RAD18: variants seen among roughly 807,000 people sequenced by gnomAD.
RAD18 encodes E3 ubiquitin-protein ligase RAD18.
A neutral mutation model predicts 60.4 loss-of-function variants in RAD18; 47 were observed. The ratio of observed to expected loss-of-function variants is 0.78; its 90% confidence interval spans 0.62 to 0.99. The LOEUF (loss-of-function observed/expected upper bound fraction) is 0.99. RAD18 is among the 50% of genes least tolerant of loss of function. The probability of loss-of-function intolerance (pLI) is 0.00; values close to 1 mark genes in which losing one functional copy is unlikely to be tolerated. For synonymous variants in RAD18, 225 were observed against 195.5 expected, an observed-to-expected ratio of 1.15 and a Z score of -1.26; for missense variants, 640 against 593.3, an observed-to-expected ratio of 1.08 and a Z score of -0.82.
intron 10 of RAD18, among the ~76,000 whole-genome samples, chr3:8,902,141 A>G (rs1575537621): frequency 6.6e-6 from 1 of 152,234 alleles, no homozygotes; most frequent in South Asian, 2.1e-4. Flanking sequence ...TTTATGATTT[A>G]TCATTAACTG....
chr3:8,881,084 CA>C lies in RAD18; in HGVS notation c.*272del, dbSNP rs1939451615. 3.2e-6 allele frequency: 1 copy of C among 316,344 alleles called. No homozygotes were observed. Among genetic ancestry groups the C allele is most frequent in the African/African-American group, 2.2e-5 (1 of 45,488 alleles). 19.6% of individuals were successfully genotyped at this position (316,344 alleles called of 1,614,324 possible). A position where few individuals can be genotyped will look rare whatever the true frequency, so the allele number is the denominator to read the frequency against. ...AAACCAAATCCCTGTGCCAAAGTGC[CA>C]AAGAGTCTACCTCCTCTGCAAAGCT... On this transcript the variant is annotated 3_prime_UTR_variant, in exon 13 of 13. Coordinates refer to ENST00000264926, the MANE Select transcript of RAD18 (RefSeq NM_020165.4).
At chr3:8,890,535 T>C in intron 11 of RAD18, 84 bp from the exon 12 acceptor site, 1 of 1,092,980 alleles carries the variant, frequency 9.1e-7, no homozygotes, top group Non-Finnish European at 1.4e-6. Flanking sequence ...AAAAAACAAA[T>C]GAGTCTATAG....
chr3:8,939,984 T>C (rs189047346), intron 5 of RAD18, among the ~76,000 whole-genome samples: 2 of 152,328 alleles, frequency 1.3e-5, no homozygotes, highest in African/African-American at 4.8e-5. Context: ...TCATCTTAAA[T>C]TTTCCCAACC....
In RAD18 at chr3:8,882,027, A is replaced by G. The variant is rs369667309; in HGVS notation, c.1386-568T>C. Among the ~76,000 whole-genome samples, 20 of 152,308 alleles carry G rather than the reference A, an allele frequency of 1.3e-4. No individual in the cohort carries two copies. The East Asian group carries it at 3.7e-3, about 28-fold the overall frequency. On this transcript the variant is annotated intron_variant, in intron 12 of 12. Transcript: ENST00000264926. ...CCCCTGACACAAGGAGAGTCTGCACACACTTGCCAGCTCTTTTCCACGAGC... is the reference window on the plus strand; with the variant it reads ...CCCCTGACACAAGGAGAGTCTGCACGCACTTGCCAGCTCTTTTCCACGAGC...
intron 10 of RAD18, among the ~76,000 whole-genome samples, chr3:8,901,062 G>C (rs1939903579): frequency 6.6e-6 from 1 of 152,150 alleles, no homozygotes; most frequent in African/African-American, 2.4e-5. Flanking sequence ...TACATACTGA[G>C]GCAGCACTTT....
intron 7 of RAD18, among the ~76,000 whole-genome samples, chr3:8,922,758 C>T (rs1310340082): frequency 6.6e-6 from 1 of 152,110 alleles, no homozygotes; most frequent in Non-Finnish European, 1.5e-5. Context: ...TGCTGTTCAC[C>T]AATATTTGCT....
chr3:8,931,181 A>C (rs576302964), intron 7 of RAD18, among the ~76,000 whole-genome samples: 2 of 152,356 alleles, frequency 1.3e-5, no homozygotes, highest in East Asian at 3.9e-4. Flanking sequence ...TATACAAGTA[A>C]ATATACAAAA....
intron 7 of RAD18, among the ~76,000 whole-genome samples, chr3:8,933,732 G>T (rs1307866467): frequency 6.6e-6 from 1 of 152,102 alleles, no homozygotes; most frequent in African/African-American, 2.4e-5. Flanking sequence ...TGAATTGGAA[G>T]ACTCAAATAC....
chr3:8,886,307 G>A (rs1172615715), intron 12 of RAD18, among the ~76,000 whole-genome samples: 1 of 152,154 alleles, frequency 6.6e-6, no homozygotes, highest in Non-Finnish European at 1.5e-5. Context: ...CAAAAGGGAG[G>A]AGGTATAATG....
intron 8 of RAD18, among the ~76,000 whole-genome samples, chr3:8,913,275 A>G (rs398518): frequency 0.051 from 7,824 of 152,292 alleles, 286 homozygotes; most frequent in Non-Finnish European, 0.082. Context: ...TAATCATAGA[A>G]TTGCAGAATG....
At chr3:8,960,488 C>T (rs1262969549) in intron 1 of RAD18, among the ~76,000 whole-genome samples, 1 of 151,858 alleles carries the variant, frequency 6.6e-6, no homozygotes, top group African/African-American at 2.4e-5. Flanking sequence ...AAAATGTAAA[C>T]AAAAAAGGAC....
chr3:8,894,137 T>C (rs1450248788), intron 11 of RAD18, among the ~76,000 whole-genome samples: 1 of 152,162 alleles, frequency 6.6e-6, no homozygotes, highest in African/African-American at 2.4e-5. Flanking sequence ...TCAATAGTGG[T>C]AGCAGAAAAA....
chr3:8,896,870 G>A (rs1427683604), intron 11 of RAD18, among the ~76,000 whole-genome samples: 2 of 151,522 alleles, frequency 1.3e-5, no homozygotes, highest in East Asian at 3.9e-4. Context: ...AAAGATAGAA[G>A]AAAAAGAGAG....
intron 12 of RAD18, 62 bp from the exon 13 acceptor site, chr3:8,881,521 G>T: frequency 7.6e-7 from 1 of 1,313,182 alleles, no homozygotes; most frequent in Non-Finnish European, 1.1e-6. Context: ...GCAGTTTCTA[G>T]TTTACAAGTG....
chr3:8,920,971 A>G (rs965267928), intron 7 of RAD18, among the ~76,000 whole-genome samples: 1 of 152,252 alleles, frequency 6.6e-6, no homozygotes. Flanking sequence ...TAAATCTACT[A>G]CAAGTACTAA....
At position 8,953,069 on chromosome 3, in the gene RAD18, G is replaced by A. The variant is rs188125804; in HGVS notation, c.134-4499C>T. 3.1e-3 allele frequency among the ~76,000 whole-genome samples: 469 copies of A among 151,866 alleles called. 1 individual carries two copies. Among genetic ancestry groups the A allele is most frequent in the Non-Finnish European group, 5.4e-3 (366 of 67,930 alleles). On this transcript the variant is annotated intron_variant, in intron 2 of 12. Coordinates refer to ENST00000264926, the MANE Select transcript of RAD18 (RefSeq NM_020165.4). ...CCATCGTAAAGTTGAAAAATCCTAA[G>A]TCAAATCATGGTAAGTCAGGGACTG...
chr3:8,961,109 C>T lies in RAD18; in HGVS notation c.52-2108G>A, dbSNP rs45496896. Among the ~76,000 whole-genome samples, 318 of 152,302 alleles carry T rather than the reference C, an allele frequency of 2.1e-3. 1 individual carries two copies. Among genetic ancestry groups the T allele is most frequent in the Middle Eastern group, 6.8e-3 (2 of 294 alleles). ...CACACTTTCTTATCTATGCCATCCT[C>T]TTCTGGTGGAGGAATGATTCTGAAA... On this transcript the variant is annotated intron_variant, in intron 1 of 12. Coordinates refer to ENST00000264926, the MANE Select transcript of RAD18 (RefSeq NM_020165.4).
chr3:8,959,406 A>G (rs1217324963), intron 1 of RAD18, among the ~76,000 whole-genome samples: 2 of 152,246 alleles, frequency 1.3e-5, no homozygotes, highest in African/African-American at 2.4e-5. Context: ...TTGCCACCAC[A>G]CAAGTTAAGA....
In RAD18 at chr3:8,886,198, T is replaced by C. The variant is rs45623439; in HGVS notation, c.1385+4191A>G. On this transcript the variant is annotated intron_variant, in intron 12 of 12. Transcript: ENST00000264926. ...TTGCCTGGCAAGGCCTTAGGTCTTG[T>C]CTATAATTTGGTATTTTATTGCCAC... Among the ~76,000 whole-genome samples, 340 of 152,292 alleles carry C rather than the reference T, an allele frequency of 2.2e-3. 6 individuals are homozygous for C. Among genetic ancestry groups the C allele is most frequent in the East Asian group, 0.022 (113 of 5,184 alleles).
Sources: allele counts gnomAD v4.1 joint callset (sites outside exome capture counted in the v4.1 genomes callset), GRCh38; gene constraint gnomAD v4.1.1; transcripts MANE v1.5; gene names NCBI Gene and HGNC (gene_info 2026-07-23, HGNC 2026-07-21).